Variants in ELP2 observed in about 807,000 individuals in gnomAD.
ELP2 encodes elongator acetyltransferase complex subunit 2.
Under a neutral mutation model 119.2 loss-of-function variants are expected in ELP2, and 90 were observed. The ratio of observed to expected loss-of-function variants is 0.75; its 90% CI spans 0.64 to 0.90. The LOEUF is 0.90. ELP2 is among the 40% of genes least tolerant of loss of function. The pLI is 0.00. For synonymous variants in ELP2, 339 were observed against 331.0 expected (o/e 1.02, Z -0.26); for missense variants, 921 against 967.8 (o/e 0.95, Z 0.64).
Position 36,131,561 on chromosome 18 carries a change from T to G in ELP2, c.138+1490T>G, listed in dbSNP as rs948418. On this transcript the variant is annotated intron_variant, in intron 1 of 21. Coordinates refer to ENST00000358232, the MANE Select transcript of ELP2 (RefSeq NM_018255.4). ...CCCGGGAGAGCCAGGGTGACACCCT[T>G]TTAAAATCAACTCCGTCGTAAAATT... 9.1e-3 allele frequency among the ~76,000 whole-genome samples: 1,390 copies of G among 152,270 alleles called. 29 individuals are homozygous for G. The highest frequency in any genetic ancestry group is 0.03 in the African/African-American group (1,260 of 41,554).
chr18:36,160,706 TG>T (rs1388485424), intron 16 of ELP2, among the ~76,000 whole-genome samples: 1 of 152,144 alleles, frequency 6.6e-6, no homozygotes, highest in Admixed American at 6.5e-5. Flanking sequence ...GGTGAAAACT[TG>T]TATGTTAATT....
rs2090013544 is a variant in ELP2, at chr18:36,141,168, C to T, written c.555C>T (p.Cys185=). The change falls in exon 6 of 22, where the codon TGC becomes TGT. Residue 185 remains cysteine, a synonymous_variant. Coordinates refer to ENST00000358232, the MANE Select transcript of ELP2 (RefSeq NM_018255.4). ...VPILACGNDD[C]RIHIFAQQND... ...TATTAGCATGTGGCAATGATGATTG[C>T]AGAATTCACATATTTGCTCAACAAA... 1.2e-6 allele frequency: 2 copies of T among 1,613,700 alleles called. No homozygotes were observed. Among genetic ancestry groups the T allele is most frequent in the Non-Finnish European group, 1.7e-6 (2 of 1,179,750 alleles).
chr18:36,141,021 G>T, intron 5 of ELP2, 116 bp from the exon 6 acceptor site: 1 of 819,816 alleles, frequency 1.2e-6, no homozygotes, highest in Non-Finnish European at 2.2e-6. Context: ...TCGTGTAGTG[G>T]TGTGGGAAAT....
At chr18:36,138,238 T>TC (rs74715150) in intron 3 of ELP2, 32 bp from the exon 4 acceptor site, 777,123 of 1,612,096 alleles carry the variant, frequency 0.48, 192,712 homozygotes, top group South Asian at 0.67. Context: ...ATCCTTTTTT[T>TC]CACAATGCTT....
intron 19 of ELP2, 179 bp from the exon 20 acceptor site, chr18:36,169,884 G>T: frequency 1.3e-6 from 1 of 754,978 alleles, no homozygotes; most frequent in Non-Finnish European, 2.2e-6. Context: ...GCTGTACCGT[G>T]CCTTCTTTCT....
At chr18:36,158,716 T>G (rs1265423787) in intron 13 of ELP2, 119 bp from the exon 14 acceptor site, 1 of 702,140 alleles carries the variant, frequency 1.4e-6, no homozygotes, top group Non-Finnish European at 2.5e-6. Context: ...TTAAACTGTT[T>G]CTCAGCATTT....
chr18:36,157,495 A>G (rs1041786309), intron 13 of ELP2, among the ~76,000 whole-genome samples: 25 of 152,246 alleles, frequency 1.6e-4, no homozygotes, highest in African/African-American at 6.0e-4. Flanking sequence ...GAATGGGGAA[A>G]GTCCATGGTG....
chr18:36,159,002 T>A, intron 14 of ELP2, 98 bp downstream of exon 14: 1 of 858,068 alleles, frequency 1.2e-6, no homozygotes, highest in East Asian at 2.6e-5. Context: ...TACAGCTGAT[T>A]TTTTTTTTAA....
intron 13 of ELP2, 29 bp downstream of exon 13, chr18:36,156,683 A>C (rs989145693): frequency 1.3e-6 from 2 of 1,592,402 alleles, no homozygotes; most frequent in African/African-American, 2.7e-5. Context: ...ATTTTACCTA[A>C]ATCTAGTCAC....
chr18:36,157,214 T>C (rs941454953), intron 13 of ELP2, among the ~76,000 whole-genome samples: 2 of 152,156 alleles, frequency 1.3e-5, no homozygotes, highest in African/African-American at 4.8e-5. Flanking sequence ...GAGCTACTTA[T>C]AAAAGTACAT....
intron 8 of ELP2, among the ~76,000 whole-genome samples, chr18:36,143,819 C>T (rs1394068091): frequency 6.6e-6 from 1 of 152,138 alleles, no homozygotes; most frequent in South Asian, 2.1e-4. Context: ...TAGTGCTTCT[C>T]ATTAAAGTAA....
At chr18:36,168,555 C>T (rs1332401894) in intron 19 of ELP2, among the ~76,000 whole-genome samples, 1 of 152,102 alleles carries the variant, frequency 6.6e-6, no homozygotes, top group Non-Finnish European at 1.5e-5. Context: ...GGGGAAGCCT[C>T]TTATAAAACC....
intron 18 of ELP2, among the ~76,000 whole-genome samples, chr18:36,165,857 A>G (rs1012991278): frequency 6.6e-6 from 1 of 151,736 alleles, no homozygotes; most frequent in South Asian, 2.1e-4. Context: ...ACTCCAGCCT[A>G]GGCGACAGAG....
rs1295359352 is a variant in ELP2, at chr18:36,171,044, C to T, written c.2211-3C>T. ...CACTGTTGTCCCCCTCCCTTAAAAA[C>T]AGATACGTGGTTGCAGTAGGATTGG... On this transcript the variant is annotated splice_region_variant and splice_polypyrimidine_tract_variant and intron_variant, in intron 20 of 21. Coordinates refer to ENST00000358232, the MANE Select transcript of ELP2 (RefSeq NM_018255.4). 6.3e-7 allele frequency: 1 copy of T among 1,598,554 alleles called. No individual in the cohort carries two copies. Among genetic ancestry groups the T allele is most frequent in the Non-Finnish European group, 8.6e-7 (1 of 1,165,950 alleles).
chr18:36,149,096 T>C (rs2090304719), intron 11 of ELP2, among the ~76,000 whole-genome samples: 1 of 152,262 alleles, frequency 6.6e-6, no homozygotes, highest in Admixed American at 6.5e-5. Context: ...TTGAGACTCT[T>C]ATGAGTTGTT....
At chr18:36,133,054 C>CCTCTAAATTT (rs2089689687) in intron 1 of ELP2, among the ~76,000 whole-genome samples, 184 bp from the exon 2 acceptor site, 1 of 152,048 alleles carries the variant, frequency 6.6e-6, no homozygotes, top group Admixed American at 6.6e-5. Flanking sequence ...AAAGGCAGGA[C>CCTCTAAATTT]TGATTTAGAG....
At chr18:36,150,891 C>T (rs1193244239) in intron 11 of ELP2, among the ~76,000 whole-genome samples, 2 of 151,980 alleles carry the variant, frequency 1.3e-5, no homozygotes, top group East Asian at 3.9e-4. Context: ...TCCTATTAAC[C>T]CTTAGATTTT....
At chr18:36,149,142 T>C (rs933155318) in intron 11 of ELP2, among the ~76,000 whole-genome samples, 2 of 152,262 alleles carry the variant, frequency 1.3e-5, no homozygotes, top group African/African-American at 4.8e-5. Context: ...GACCCATTTA[T>C]TCATTTCTTT....
rs1424524872 is a variant in ELP2 at position 36,171,869 on chromosome 18, A to G, written c.2324+709A>G. Among the ~76,000 whole-genome samples, 10 of 152,118 alleles carry G rather than the reference A, an allele frequency of 6.6e-5. 1 individual carries two copies. Among genetic ancestry groups the G allele is most frequent in the Admixed American group, 6.5e-4 (10 of 15,278 alleles). ...ATAGCTGGGACTACAGACACGCACC[A>G]CCATGCCAGGCTAATTTTTTTTGTA... On this transcript the variant is annotated intron_variant, in intron 21 of 21. Transcript: ENST00000358232.
Sources: gnomAD v4.1 joint callset for allele counts (sites outside exome capture counted in the v4.1 genomes callset) on GRCh38, gnomAD v4.1.1 for gene constraint, MANE v1.5 for transcripts, NCBI Gene and HGNC (gene_info 2026-07-23, HGNC 2026-07-21) for gene names.